Variants in ABCA1 observed in about 807,000 individuals in gnomAD.
ABCA1 encodes the protein phospholipid-transporting ATPase ABCA1.
A neutral mutation model predicts 262.5 loss-of-function variants in ABCA1; 133 were observed. The ratio of observed to expected loss-of-function variants is 0.51; its 90% CI spans 0.44 to 0.59. The LOEUF (loss-of-function observed/expected upper bound fraction) is 0.59, where lower values mean the gene tolerates loss of function less well. Ranked by LOEUF, ABCA1 falls within the 20% of genes least tolerant of loss-of-function variation. The pLI, the probability that ABCA1 is intolerant of heterozygous loss-of-function variation, is 0.00. For missense variants in ABCA1, 2,452 were observed against 2,777.5 expected (o/e 0.88, Z 2.63); for synonymous variants, 1,022 against 1,043.5 (o/e 0.98, Z 0.40).
chr9:104,834,076 A>T lies in ABCA1; in HGVS notation c.1312-1305T>A, dbSNP rs1269720934. On this transcript the variant is annotated intron_variant, in intron 11 of 49. Coordinates refer to ENST00000374736, the MANE Select transcript of ABCA1 (RefSeq NM_005502.4). The stretch of plus-strand genomic sequence containing the variant: ...TTATAAAAAAATCAGTCTTAGTTTC[A>T]CTAACATTATAAGCTTTTCCCCCCT... Among the ~76,000 whole-genome samples, 2 of 150,052 alleles carry T rather than the reference A, an allele frequency of 1.3e-5. 1 individual carries two copies. Among genetic ancestry groups the T allele is most frequent in the Admixed American group, 1.3e-4 (2 of 14,918 alleles).
chr9:104,856,104 T>C (rs1227052567), intron 7 of ABCA1: 1 of 1,576,662 alleles, frequency 6.3e-7, no homozygotes, highest in Non-Finnish European at 8.6e-7. Context: ...ATCACAAATG[T>C]TGAAATTTCA....
At chr9:104,879,115 T>C (rs1046569142) in intron 5 of ABCA1, among the ~76,000 whole-genome samples, 2 of 151,048 alleles carry the variant, frequency 1.3e-5, no homozygotes, top group Admixed American at 1.3e-4. Flanking sequence ...AGGAAATTAG[T>C]GGTGTTTTAA....
intron 2 of ABCA1, among the ~76,000 whole-genome samples, chr9:104,891,966 T>TA (rs570923490): frequency 0.022 from 1,286 of 59,222 alleles, 61 homozygotes; most frequent in East Asian, 0.053. Flanking sequence ...CTCTGTCTCT[T>TA]AAAAAAAAAA....
At chr9:104,851,083 C>A (rs76153796) in intron 7 of ABCA1, among the ~76,000 whole-genome samples, 5,624 of 152,152 alleles carry the variant, frequency 0.037, 293 homozygotes, top group African/African-American at 0.12. Flanking sequence ...CACAACATAC[C>A]ATGTTTCCTA....
chr9:104,902,492 G>T (rs1426676403), intron 2 of ABCA1, among the ~76,000 whole-genome samples: 1 of 152,200 alleles, frequency 6.6e-6, no homozygotes, highest in African/African-American at 2.4e-5. Flanking sequence ...TTGAACAACA[G>T]CTGCCTCACC....
intron 1 of ABCA1, among the ~76,000 whole-genome samples, chr9:104,926,564 C>A: frequency 6.6e-6 from 1 of 152,176 alleles, no homozygotes; most frequent in East Asian, 1.9e-4. Context: ...GTCGGAACCG[C>A]GAGCAAAGAC....
chr9:104,836,699 A>T (rs1390723786), intron 11 of ABCA1, among the ~76,000 whole-genome samples: 3 of 152,230 alleles, frequency 2.0e-5, no homozygotes, highest in Admixed American at 6.5e-5. Flanking sequence ...AGGGTACTGC[A>T]ATTACTCAAC....
intron 7 of ABCA1, chr9:104,856,181 G>T: frequency 7.0e-7 from 1 of 1,438,604 alleles, no homozygotes; most frequent in Non-Finnish European, 9.1e-7. Context: ...TCCAATTAAG[G>T]CCCTGCTTAA....
intron 18 of ABCA1, 129 bp downstream of exon 18, chr9:104,824,336 A>C: frequency 1.3e-6 from 2 of 1,532,680 alleles, no homozygotes; most frequent in Admixed American, 2.0e-5. Context: ...GGGACACTGC[A>C]TGTGATTTCT....
At chr9:104,919,788 G>A (rs1842041676) in intron 1 of ABCA1, among the ~76,000 whole-genome samples, 3 of 152,218 alleles carry the variant, frequency 2.0e-5, no homozygotes. Flanking sequence ...CATTTCAGAT[G>A]AGAACCCCTT....
chr9:104,922,003 G>T (rs866508315), intron 1 of ABCA1, among the ~76,000 whole-genome samples: 1 of 152,122 alleles, frequency 6.6e-6, no homozygotes, highest in Non-Finnish European at 1.5e-5. Context: ...CATGAGGAGG[G>T]AAGCATTTAA....
chr9:104,926,815 C>A (rs1588611935), intron 1 of ABCA1, among the ~76,000 whole-genome samples: 1 of 152,360 alleles, frequency 6.6e-6, no homozygotes, highest in East Asian at 1.9e-4. Context: ...GAGAGACCAG[C>A]AGCAACGGTC....
At chr9:104,902,074 T>C (rs984747030) in intron 2 of ABCA1, among the ~76,000 whole-genome samples, 1 of 152,188 alleles carries the variant, frequency 6.6e-6, no homozygotes, top group Non-Finnish European at 1.5e-5. Context: ...ATTTGTAACA[T>C]GAGAGGCTGA....
intron 1 of ABCA1, among the ~76,000 whole-genome samples, chr9:104,913,693 T>C (rs985577201): frequency 6.6e-6 from 1 of 152,216 alleles, no homozygotes; most frequent in Non-Finnish European, 1.5e-5. Context: ...TTGGGGGTCC[T>C]CACCACTCAC....
At chr9:104,786,640 A>C (rs1371857992) in intron 47 of ABCA1, among the ~76,000 whole-genome samples, 1 of 152,246 alleles carries the variant, frequency 6.6e-6, no homozygotes, top group East Asian at 1.9e-4. Flanking sequence ...TCCAGCTATA[A>C]GAAATGACAC....
chr9:104,889,907 G>A (rs1027920058), intron 2 of ABCA1, among the ~76,000 whole-genome samples: 5 of 152,154 alleles, frequency 3.3e-5, no homozygotes, highest in South Asian at 2.1e-4. Flanking sequence ...CATCTTCTCC[G>A]ATGAGTTAAA....
chr9:104,880,030 A>G (rs1415998674), intron 5 of ABCA1, among the ~76,000 whole-genome samples: 1 of 152,222 alleles, frequency 6.6e-6, no homozygotes, highest in Non-Finnish European at 1.5e-5. Flanking sequence ...TTCTCTAGAA[A>G]GCATAACAGG....
At chr9:104,908,071 C>T (rs1841277115) in intron 1 of ABCA1, among the ~76,000 whole-genome samples, 1 of 152,184 alleles carries the variant, frequency 6.6e-6, no homozygotes, top group African/African-American at 2.4e-5. Context: ...CAGAAACACT[C>T]ATCATTAGCT....
intron 1 of ABCA1, among the ~76,000 whole-genome samples, chr9:104,904,822 G>A (rs1285916392): frequency 6.6e-6 from 1 of 152,110 alleles, no homozygotes; most frequent in African/African-American, 2.4e-5. Flanking sequence ...GCACACTTCT[G>A]GCCTTGTTCC....
Sources: gnomAD v4.1 joint callset for allele counts (sites outside exome capture counted in the v4.1 genomes callset) on GRCh38, gnomAD v4.1.1 for gene constraint, MANE v1.5 for transcripts, NCBI Gene and HGNC (gene_info 2026-07-23, HGNC 2026-07-21) for gene names.